Variants in TET1 observed in about 807,000 individuals in gnomAD.
TET1 encodes the protein tet methylcytosine dioxygenase 1, also known as methylcytosine dioxygenase TET1.
Under a neutral mutation model 148.7 loss-of-function variants are expected in TET1, and 13 were observed. The ratio of observed to expected loss-of-function variants is 0.09; its 90% CI spans 0.06 to 0.14. The LOEUF (loss-of-function observed/expected upper bound fraction) is 0.14. TET1 is among the 10% of genes least tolerant of loss of function. The pLI is 1.00. For missense variants in TET1, 2,182 were observed against 2,553.8 expected (o/e 0.85, Z 3.14); for synonymous variants, 907 against 937.2 (o/e 0.97, Z 0.59).
intron 6 of TET1, among the ~76,000 whole-genome samples, chr10:68,658,764 T>C (rs2055062177): frequency 1.3e-5 from 2 of 152,130 alleles, no homozygotes; most frequent in Non-Finnish European, 1.5e-5. Context: ...AGATGCACCT[T>C]AGATGTTCAA....
In TET1 at chr10:68,673,054, C is replaced by T. The variant is rs536439628; in HGVS notation, c.4824+9C>T. On this transcript the variant is annotated intron_variant, in intron 8 of 11. Transcript: ENST00000373644. ...CAAGCTCTCCCTTACATGTAAGTGT[C>T]CTTCTTTATTCAAATAATTTATTTT... 6.3e-7 allele frequency: 1 copy of T among 1,592,912 alleles called. No individual in the cohort carries two copies. Among genetic ancestry groups the T allele is most frequent in the African/African-American group, 1.3e-5 (1 of 74,634 alleles).
chr10:68,673,960 CTTTTTTT>C (rs869073350), intron 8 of TET1, among the ~76,000 whole-genome samples: 17 of 72,400 alleles, frequency 2.3e-4, no homozygotes, highest in Non-Finnish European at 4.1e-4. Context: ...TTTTCTTTTT[CTTTTTTT>C]TTTTTTTTTT....
chr10:68,597,395 C>T (rs151238700), intron 2 of TET1, among the ~76,000 whole-genome samples: 2,136 of 152,122 alleles, frequency 0.014, 22 homozygotes, highest in Non-Finnish European at 0.021. Context: ...AAATATTGAA[C>T]AATTAACCTG....
At chr10:68,614,922 A>T (rs2054266967) in intron 3 of TET1, among the ~76,000 whole-genome samples, 1 of 151,820 alleles carries the variant, frequency 6.6e-6, no homozygotes, top group African/African-American at 2.4e-5. Context: ...TGTGTTTCAT[A>T]AAAAATTTAA....
chr10:68,680,152 C>G (rs2055416962), intron 8 of TET1, among the ~76,000 whole-genome samples: 2 of 152,188 alleles, frequency 1.3e-5, no homozygotes, highest in South Asian at 4.1e-4. Flanking sequence ...TCAGAAACCA[C>G]TAAATAATTG....
At chr10:68,570,499 C>T (rs1029762061) in intron 1 of TET1, among the ~76,000 whole-genome samples, 2 of 152,052 alleles carry the variant, frequency 1.3e-5, no homozygotes, top group Admixed American at 6.6e-5. Flanking sequence ...TCCATGAGTA[C>T]CTGATAAGTG....
At chr10:68,658,385 C>T (rs1306806202) in intron 6 of TET1, among the ~76,000 whole-genome samples, 1 of 152,204 alleles carries the variant, frequency 6.6e-6, no homozygotes, top group East Asian at 1.9e-4. Flanking sequence ...GTAATCCACC[C>T]TCCTCCACCT....
intron 3 of TET1, among the ~76,000 whole-genome samples, chr10:68,602,453 G>A (rs192416956): frequency 6.6e-6 from 1 of 152,166 alleles, no homozygotes; most frequent in Non-Finnish European, 1.5e-5. Flanking sequence ...TGGGGTTGTG[G>A]ATGGGGATTA....
At chr10:68,647,582 C>G (rs555067208) in intron 4 of TET1, among the ~76,000 whole-genome samples, 1 of 151,296 alleles carries the variant, frequency 6.6e-6, no homozygotes, top group African/African-American at 2.4e-5. Context: ...CCAGCTTGGG[C>G]AACAGAGCAA....
intron 6 of TET1, among the ~76,000 whole-genome samples, chr10:68,654,616 C>CA (rs1026388300): frequency 8.6e-5 from 13 of 150,766 alleles, no homozygotes; most frequent in South Asian, 4.2e-4. Context: ...GACTCCGTCT[C>CA]AAAAAAAACA....
Position 68,691,397 on chromosome 10 carries a change from G to A in TET1, c.5994G>A (p.Glu1998=), listed in dbSNP as rs774096377. 4.3e-6 allele frequency: 7 copies of A among 1,614,168 alleles called. No homozygotes were observed. The highest frequency in any genetic ancestry group is 8.5e-7 in the Non-Finnish European group (1 of 1,180,042). Residue 1998 remains glutamate, a synonymous_variant, in exon 12 of 12, where the codon GAG becomes GAA. Coordinates refer to ENST00000373644, the MANE Select transcript of TET1 (RefSeq NM_030625.3). This position sits in a 1 kb window ranked among gnomAD's most constrained non-coding sequence, Gnocchi z 4.4. ...TTGATGAGTATTGGTCAGACAGTGA[G>A]CACATCTTTTTGGATGCAAATATTG... ...PHIDEYWSDS[E]HIFLDANIGG...
chr10:68,679,356 T>A (rs1029716234), intron 8 of TET1, among the ~76,000 whole-genome samples: 1 of 152,146 alleles, frequency 6.6e-6, no homozygotes, highest in Non-Finnish European at 1.5e-5. Flanking sequence ...ACAGAATAAA[T>A]ATTATTACAA....
chr10:68,689,776 C>T (rs1202000598), intron 11 of TET1, among the ~76,000 whole-genome samples: 3 of 65,104 alleles, frequency 4.6e-5, no homozygotes, highest in African/African-American at 1.1e-4. Flanking sequence ...GAGACTCCAT[C>T]TCAAAAAAAA....
chr10:68,581,559 T>C (rs2053798460), intron 2 of TET1, among the ~76,000 whole-genome samples: 1 of 152,052 alleles, frequency 6.6e-6, no homozygotes. Context: ...AAAACAAAAT[T>C]GGCCATGGGG....
chr10:68,608,354 A>C (rs758398444), intron 3 of TET1, among the ~76,000 whole-genome samples: 1 of 150,048 alleles, frequency 6.7e-6, no homozygotes, highest in Middle Eastern at 3.6e-3. Flanking sequence ...TCCTACCTCA[A>C]CCTCCCGAGT....
intron 3 of TET1, among the ~76,000 whole-genome samples, chr10:68,626,045 C>T (rs1269963105): frequency 1.4e-5 from 2 of 146,326 alleles, no homozygotes; most frequent in African/African-American, 5.1e-5. Context: ...GATGGTGCCA[C>T]TGCACTCCAG....
chr10:68,669,350 G>A (rs1241837196), intron 7 of TET1, among the ~76,000 whole-genome samples: 6 of 151,410 alleles, frequency 4.0e-5, no homozygotes. Flanking sequence ...TCACTCTGTC[G>A]CCCAGGTTGA....
intron 10 of TET1, 128 bp from the exon 11 acceptor site, chr10:68,686,228 C>A: frequency 1.3e-6 from 1 of 764,442 alleles, no homozygotes; most frequent in Non-Finnish European, 2.1e-6. Flanking sequence ...ATACCATCAG[C>A]AACCAATTGA....
intron 3 of TET1, chr10:68,632,403 G>C: frequency 6.2e-7 from 1 of 1,610,906 alleles, no homozygotes; most frequent in South Asian, 1.1e-5. Flanking sequence ...GTGAGCCCGA[G>C]GAGAGGAAGT....
Sources: allele counts gnomAD v4.1 joint callset (sites outside exome capture counted in the v4.1 genomes callset), GRCh38; gene constraint gnomAD v4.1.1; non-coding constraint Gnocchi (gnomAD v3.1); transcripts MANE v1.5; gene names NCBI Gene and HGNC (gene_info 2026-07-23, HGNC 2026-07-21).